Variants in PTGES3 observed in about 807,000 individuals in gnomAD.
The protein encoded by PTGES3 is Hsp90 co-chaperone.
PTGES3 carries 5 observed loss-of-function variants against 29.9 expected under a neutral mutation model. That is an observed-to-expected ratio of 0.17 (90% CI 0.09 to 0.35). PTGES3 has a LOEUF of 0.35. Among genes scored for constraint, PTGES3 ranks in the 10% least tolerant of loss-of-function variants. The pLI, the probability that PTGES3 is intolerant of heterozygous loss-of-function variation, is 1.00. For synonymous variants in PTGES3, 49 were observed against 57.8 expected, an observed-to-expected ratio of 0.85 and a Z score of 0.69; for missense variants, 128 against 190.0, an observed-to-expected ratio of 0.67 and a Z score of 1.92.
intron 1 of PTGES3, among the ~76,000 whole-genome samples, chr12:56,682,523 T>A (rs1365326265): frequency 6.6e-6 from 1 of 151,972 alleles, no homozygotes; most frequent in Admixed American, 6.6e-5. Flanking sequence ...ACCACTGCAC[T>A]CCAGCCTGGG....
chr12:56,680,331 C>T (rs550467934), intron 1 of PTGES3, among the ~76,000 whole-genome samples: 147 of 151,828 alleles, frequency 9.7e-4, no homozygotes, highest in African/African-American at 3.4e-3. Context: ...CACCTCAGTC[C>T]CCCAAAGTGG....
chr12:56,685,407 T>TC (rs1470043501), intron 1 of PTGES3, among the ~76,000 whole-genome samples: 1 of 149,460 alleles, frequency 6.7e-6, no homozygotes, highest in African/African-American at 2.5e-5. Context: ...TTCTTTTTTT[T>TC]TTTTTTTTTT....
chr12:56,683,106 C>CTT (rs929682960), intron 1 of PTGES3, among the ~76,000 whole-genome samples: 1 of 151,762 alleles, frequency 6.6e-6, no homozygotes, highest in Non-Finnish European at 1.5e-5. Flanking sequence ...TCCCAGCACT[C>CTT]TAGGAGTCTG....
intron 5 of PTGES3, 141 bp from the exon 6 acceptor site, chr12:56,666,407 TGGAAAA>T: frequency 1.9e-6 from 2 of 1,071,644 alleles, no homozygotes; most frequent in Non-Finnish European, 2.5e-6. Context: ...CTTTCCCTTC[TGGAAAA>T]GGAAGATTAT....
At chr12:56,679,358 G>A (rs1421357143) in intron 1 of PTGES3, among the ~76,000 whole-genome samples, 1 of 129,746 alleles carries the variant, frequency 7.7e-6, no homozygotes, top group Non-Finnish European at 1.5e-5. Context: ...AGTGAGCTGA[G>A]ATGTGCCCCT....
At chr12:56,676,036 G>A (rs2137654420) in intron 1 of PTGES3, among the ~76,000 whole-genome samples, 1 of 151,680 alleles carries the variant, frequency 6.6e-6, no homozygotes, top group East Asian at 1.9e-4. Flanking sequence ...AGACCAGTCT[G>A]ACCAACGTGG....
intron 5 of PTGES3, among the ~76,000 whole-genome samples, chr12:56,669,904 C>T (rs1479238843): frequency 5.3e-5 from 8 of 150,414 alleles, no homozygotes; most frequent in African/African-American, 9.8e-5. Flanking sequence ...GCACCGTGCC[C>T]GGCCAAAAGT....
chr12:56,664,530 G>T, intron 7 of PTGES3, 32 bp from the exon 8 acceptor site: 1 of 1,569,714 alleles, frequency 6.4e-7, no homozygotes, highest in Non-Finnish European at 8.7e-7. Flanking sequence ...TTAGTATATA[G>T]TACAAGTGAA....
At chr12:56,686,533 C>T (rs946429847) in intron 1 of PTGES3, among the ~76,000 whole-genome samples, 2 of 152,036 alleles carry the variant, frequency 1.3e-5, no homozygotes, top group African/African-American at 4.8e-5. Context: ...TGCCACCACG[C>T]CCGGCTAATT....
rs910150254 is a variant in PTGES3, at chr12:56,687,694, G to A, written c.2+304C>T. 6.1e-6 allele frequency: 8 copies of A among 1,312,280 alleles called. No individual in the cohort carries two copies. In the African/African-American group the frequency reaches 1.1e-4, roughly 18 times the overall value. 81.3% of individuals were successfully genotyped at this position (1,312,280 alleles called of 1,614,324 possible). On this transcript the variant is annotated intron_variant, in intron 1 of 7. Transcript: ENST00000262033. ...GCCGCATGGCGAGCAGCTACCGGGA[G>A]CTTAAGGCCTAGGGTGAAGTTACCG... is the stretch of plus-strand genomic sequence containing the variant.
At chr12:56,682,417 C>T (rs1289295648) in intron 1 of PTGES3, among the ~76,000 whole-genome samples, 2 of 152,022 alleles carry the variant, frequency 1.3e-5, no homozygotes, top group Admixed American at 6.6e-5. Context: ...ATTAAGTTAG[C>T]TGGGTGTGGT....
intron 1 of PTGES3, among the ~76,000 whole-genome samples, chr12:56,674,335 G>C (rs776335608): frequency 6.6e-6 from 1 of 152,148 alleles, no homozygotes; most frequent in South Asian, 2.1e-4. Flanking sequence ...TTTCAGCCTC[G>C]TGGAAATGTG....
At chr12:56,667,874 A>G (rs908850044) in intron 5 of PTGES3, among the ~76,000 whole-genome samples, 1 of 152,212 alleles carries the variant, frequency 6.6e-6, no homozygotes, top group African/African-American at 2.4e-5. Context: ...TTGGGAGGCC[A>G]AGGCGGGTGG....
At chr12:56,664,600 C>T (rs1951721867) in intron 7 of PTGES3, 102 bp from the exon 8 acceptor site, 3 of 1,398,892 alleles carry the variant, frequency 2.1e-6, no homozygotes, top group Admixed American at 2.2e-5. Flanking sequence ...TACATAGTTG[C>T]CCAATGAATT....
At chr12:56,666,097 A>G in intron 6 of PTGES3, 107 bp downstream of exon 6, 8 of 1,373,206 alleles carry the variant, frequency 5.8e-6, no homozygotes, top group Non-Finnish European at 9.5e-7. Flanking sequence ...CTTTTTTTTT[A>G]GAAAATAAGA....
chr12:56,687,560 CCCA>C, intron 1 of PTGES3: 8 of 1,017,014 alleles, frequency 7.9e-6, no homozygotes, highest in African/African-American at 1.7e-5. Context: ...CCTGGCGGCA[CCCA>C]CCACAGGTGC....
intron 1 of PTGES3, among the ~76,000 whole-genome samples, chr12:56,684,075 G>A (rs984164158): frequency 1.3e-5 from 2 of 151,852 alleles, no homozygotes; most frequent in African/African-American, 4.8e-5. Context: ...ATGCTCACTA[G>A]AGTATTTTTT....
At chr12:56,677,383 G>A (rs941186111) in intron 1 of PTGES3, among the ~76,000 whole-genome samples, 3 of 152,042 alleles carry the variant, frequency 2.0e-5, no homozygotes, top group Non-Finnish European at 4.4e-5. Flanking sequence ...CTGGTATATA[G>A]TGCCCTTGGT....
intron 5 of PTGES3, among the ~76,000 whole-genome samples, chr12:56,670,009 A>G (rs1951941224): frequency 6.6e-6 from 1 of 151,542 alleles, no homozygotes; most frequent in Non-Finnish European, 1.5e-5. Context: ...TGAAATTAGC[A>G]AACTAGCTGT....
Sources: gnomAD v4.1 joint callset for allele counts (sites outside exome capture counted in the v4.1 genomes callset) on GRCh38, gnomAD v4.1.1 for gene constraint, MANE v1.5 for transcripts, NCBI Gene and HGNC (gene_info 2026-07-23, HGNC 2026-07-21) for gene names.